The following SEMA6A variants were observed in gnomAD, a reference collection of about 807,000 sequenced individuals.
SEMA6A encodes semaphorin 6A, also known as semaphorin-6A.
Under a neutral mutation model 96.8 loss-of-function variants are expected in SEMA6A, and 25 were observed. The ratio of observed to expected loss-of-function variants is 0.26; its 90% confidence interval spans 0.19 to 0.36. The LOEUF is 0.36. SEMA6A is among the 10% of genes least tolerant of loss of function. The probability of loss-of-function intolerance (pLI) is 1.00; values close to 1 mark genes in which losing one functional copy is unlikely to be tolerated. For synonymous variants in SEMA6A, 612 were observed against 518.0 expected (o/e 1.18, Z -2.46); for missense variants, 1,363 against 1,323.1 (o/e 1.03, Z -0.47).
intron 18 of SEMA6A, among the ~76,000 whole-genome samples, chr5:116,450,093 T>G (rs962445071): frequency 3.9e-5 from 6 of 152,234 alleles, no homozygotes; most frequent in African/African-American, 1.4e-4. Flanking sequence ...TTTCTTCAAT[T>G]TTGATTATGT....
intron 12 of SEMA6A, among the ~76,000 whole-genome samples, chr5:116,479,586 A>G (rs969818421): frequency 1.8e-4 from 27 of 152,316 alleles, no homozygotes; most frequent in Middle Eastern, 3.4e-3. Context: ...CTCTGAATAA[A>G]TACAAGGAAG....
chr5:116,552,536 A>G (rs1292420812), intron 1 of SEMA6A, among the ~76,000 whole-genome samples: 1 of 152,130 alleles, frequency 6.6e-6, no homozygotes, highest in East Asian at 1.9e-4. Flanking sequence ...CATTAAAGGG[A>G]CGCTCTTCTC....
chr5:116,449,888 A>AG (rs1348221542), intron 18 of SEMA6A: 1 of 152,474 alleles, frequency 6.6e-6, no homozygotes, highest in Non-Finnish European at 1.5e-5. Flanking sequence ...TCAGCTTTTA[A>AG]GGGGTAGAAA....
At position 116,473,304 on chromosome 5, in the gene SEMA6A, C is replaced by T. The variant is rs549785602; in HGVS notation, c.1709-211G>A. On this transcript the variant is annotated intron_variant, in intron 16 of 18. Transcript: ENST00000343348. ...ATCTCTTCCACCAAGTGAATTTCCT[C>T]CAAGTCACTGCCTTTGCCAAGAGGC... is the stretch of plus-strand genomic sequence containing the variant. 3.3e-5 allele frequency among the ~76,000 whole-genome samples: 5 copies of T among 152,360 alleles called. No individual in the cohort carries two copies. The South Asian group carries it at 8.3e-4, about 25-fold the overall frequency.
chr5:116,519,900 C>T (rs1315650599), intron 1 of SEMA6A, among the ~76,000 whole-genome samples: 1 of 152,150 alleles, frequency 6.6e-6, no homozygotes, highest in Non-Finnish European at 1.5e-5. Flanking sequence ...AGTCTTTCTA[C>T]TTCCACTTGG....
intron 11 of SEMA6A, 119 bp downstream of exon 11, chr5:116,482,325 G>T: frequency 2.7e-6 from 3 of 1,093,132 alleles, no homozygotes; most frequent in Non-Finnish European, 3.9e-6. Flanking sequence ...TGAGATGAAG[G>T]CAATCTGCTT....
intron 1 of SEMA6A, among the ~76,000 whole-genome samples, chr5:116,572,275 C>T (rs943175840): frequency 5.9e-5 from 9 of 152,162 alleles, no homozygotes; most frequent in African/African-American, 1.9e-4. Flanking sequence ...TTTCACAGAT[C>T]GCATTCAGTA....
intron 10 of SEMA6A, among the ~76,000 whole-genome samples, chr5:116,484,352 C>G (rs1053264187): frequency 6.6e-6 from 1 of 152,120 alleles, no homozygotes; most frequent in Admixed American, 6.6e-5. Flanking sequence ...ACATTTCTCT[C>G]CTTCGTTCCT....
chr5:116,473,199 C>A (rs900117248), intron 16 of SEMA6A, 106 bp from the exon 17 acceptor site: 3 of 1,064,102 alleles, frequency 2.8e-6, no homozygotes, highest in African/African-American at 1.6e-5. Flanking sequence ...AGCGTATGGT[C>A]CCCGATACTA....
intron 18 of SEMA6A, among the ~76,000 whole-genome samples, chr5:116,455,905 G>A (rs1279471637): frequency 6.6e-6 from 1 of 152,136 alleles, no homozygotes; most frequent in African/African-American, 2.4e-5. Context: ...GCTATAAGAT[G>A]AGCATTGTTG....
chr5:116,528,843 C>A (rs1291643129), intron 1 of SEMA6A, among the ~76,000 whole-genome samples: 2 of 152,184 alleles, frequency 1.3e-5, no homozygotes, highest in African/African-American at 2.4e-5. Context: ...ATCCGTTCTA[C>A]CGCTGTGAAT....
chr5:116,484,369 C>G (rs1475600584), intron 10 of SEMA6A, among the ~76,000 whole-genome samples: 1 of 152,128 alleles, frequency 6.6e-6, no homozygotes, highest in African/African-American at 2.4e-5. Flanking sequence ...TCCTTTCTTT[C>G]CTTTCAATTT....
chr5:116,460,501 T>TAGC (rs1755316122), intron 18 of SEMA6A, among the ~76,000 whole-genome samples: 1 of 152,188 alleles, frequency 6.6e-6, no homozygotes, highest in South Asian at 2.1e-4. Flanking sequence ...AATTGTCAGG[T>TAGC]AGCAAAAAGT....
intron 17 of SEMA6A, chr5:116,472,647 G>C (rs958248077): frequency 3.1e-5 from 14 of 458,250 alleles, no homozygotes; most frequent in African/African-American, 2.9e-4. Flanking sequence ...AATTCCCTAA[G>C]GTTGGCATAT....
intron 17 of SEMA6A, 125 bp downstream of exon 17, chr5:116,472,945 AATG>A (rs1419566441): frequency 2.9e-5 from 45 of 1,527,944 alleles, no homozygotes; most frequent in Non-Finnish European, 3.8e-5. Flanking sequence ...TCTATAAAAA[AATG>A]ATGAGGATAA....
At chr5:116,513,634 T>G (rs950296563) in intron 1 of SEMA6A, among the ~76,000 whole-genome samples, 5 of 151,900 alleles carry the variant, frequency 3.3e-5, no homozygotes, top group African/African-American at 9.7e-5. Context: ...AACTTTTATT[T>G]TAAGTTCAGG....
chr5:116,520,877 G>C (rs1758915094), intron 1 of SEMA6A, among the ~76,000 whole-genome samples: 1 of 152,284 alleles, frequency 6.6e-6, no homozygotes, highest in Admixed American at 6.5e-5. Flanking sequence ...AGGAAGTACT[G>C]TTCAGAGCAG....
chr5:116,498,294 C>T (rs1028181667), intron 3 of SEMA6A, among the ~76,000 whole-genome samples: 11 of 152,208 alleles, frequency 7.2e-5, no homozygotes, highest in African/African-American at 2.6e-4. Context: ...GAAAAATTAC[C>T]CACAGCTTTA....
rs953188712 is a variant in SEMA6A, at chr5:116,447,197, C to G, written c.2509G>C (p.Glu837Gln). 5 of 1,613,932 alleles carry G rather than the reference C, an allele frequency of 3.1e-6. No individual in the cohort carries two copies. The South Asian group carries it at 4.4e-5, about 14-fold the overall frequency. Residue 837 changes from glutamate (E) to glutamine (Q), a missense_variant, in exon 19 of 19, where the codon GAG becomes CAG. By Grantham distance (29) the Glu-to-Gln change is conservative. Coordinates refer to ENST00000343348, the MANE Select transcript of SEMA6A (RefSeq NM_020796.5). ...HEYVDQPKMS[E>Q]VAQMALEDQA... ...TCCTCCAGCGCCATCTGGGCCACCT[C>G]GCTCATTTTGGGCTGGTCCACGTAC... is the stretch of plus-strand genomic sequence containing the variant.
Sources: allele counts gnomAD v4.1 joint callset (sites outside exome capture counted in the v4.1 genomes callset), GRCh38; gene constraint gnomAD v4.1.1; transcripts MANE v1.5; gene names NCBI Gene and HGNC (gene_info 2026-07-23, HGNC 2026-07-21).